C2CD2L: variants seen among roughly 807,000 people sequenced by gnomAD.
C2CD2L encodes C2CD2 like, also known as phospholipid transfer protein C2CD2L.
In C2CD2L, 24 loss-of-function variants were observed where a neutral mutation model predicts 69.9. The observed-to-expected ratio is 0.34, with a 90% CI of 0.25 to 0.48. C2CD2L has a LOEUF of 0.48. Among genes scored for constraint, C2CD2L ranks in the 20% least tolerant of loss-of-function variants. C2CD2L has a pLI of 0.99. For synonymous variants in C2CD2L, 367 were observed against 391.0 expected (o/e 0.94, Z 0.72); for missense variants, 811 against 941.5 (o/e 0.86, Z 1.81).
At chr11:119,104,880 C>T (rs1175612577), upstream of C2CD2L, among the ~76,000 whole-genome samples, 3 of 152,232 alleles carry the variant, frequency 2.0e-5, no homozygotes, top group African/African-American at 7.2e-5. Flanking sequence ...ATCTGTGGCT[C>T]TGTCCAGTCA....
At position 119,113,712 on chromosome 11, in the gene C2CD2L, C is replaced by T. The variant is rs140896620; in HGVS notation, c.1489C>T (p.Arg497Trp). The T allele has an allele frequency of 2.7e-4, 432 of 1,613,976 alleles. 5 individuals carry two copies. The East Asian group carries it at 8.6e-3, about 32-fold the overall frequency. The change falls in exon 11 of 14, where the codon CGG becomes TGG. Residue 497 changes from arginine to tryptophan, a missense_variant and splice_region_variant. Transcript: ENST00000648610. ...CAGCAATACCTCCCATAGCAGCAGC[C>T]GTGAGTGGGGAATGGGGTGCATGAG... ...GPSNTSHSSS[R>W]DSHLSNGLDP...
chr11:119,108,156 C>T, intron 1 of C2CD2L, 61 bp downstream of exon 1: 1 of 1,186,136 alleles, frequency 8.4e-7, no homozygotes, highest in South Asian at 1.4e-5. Context: ...GAGGGACTGA[C>T]TGCTCGTGCT....
chr11:119,102,618 C>A (rs1946528263), upstream of C2CD2L, among the ~76,000 whole-genome samples: 1 of 151,964 alleles, frequency 6.6e-6, no homozygotes, highest in Admixed American at 6.6e-5. Flanking sequence ...CTCGAGACTT[C>A]AGCTTGGCCG....
upstream of C2CD2L, among the ~76,000 whole-genome samples, chr11:119,103,867 C>G (rs750707265): frequency 9.2e-5 from 14 of 152,166 alleles, no homozygotes; most frequent in Non-Finnish European, 1.9e-4. Context: ...TATTATTTTT[C>G]TGTGTGTGTT....
chr11:119,108,563 A>T (rs914765921), intron 1 of C2CD2L, among the ~76,000 whole-genome samples: 3 of 152,200 alleles, frequency 2.0e-5, no homozygotes, highest in Non-Finnish European at 4.4e-5. Flanking sequence ...TCACTGCTAC[A>T]GTCAAACACA....
Position 119,110,299 on chromosome 11 carries a change from C to A in C2CD2L, c.450+100C>A. The stretch of plus-strand genomic sequence containing the variant: ...GTTCTTAACCTGGAGTCTGTGAATG[C>A]CTTATGGATCTAAGGATTGGTTTCA... On this transcript the variant is annotated intron_variant, in intron 2 of 13. Coordinates refer to ENST00000648610, the MANE Select transcript of C2CD2L (RefSeq NM_001290474.2). The surrounding 1 kb of genome is among the most constrained non-coding windows in gnomAD (Gnocchi z 5.7). The A allele has an allele frequency of 4.4e-6, 4 of 918,570 alleles. No individual in the cohort carries two copies. The highest frequency in any genetic ancestry group is 5.1e-6 in the Non-Finnish European group (3 of 584,166). The allele number at this position is 918,570 out of a possible 1,614,324, so 56.9% of individuals were successfully genotyped here. A position where few individuals can be genotyped will look rare whatever the true frequency, so the allele number is the denominator to read the frequency against.
In C2CD2L at chr11:119,107,695, C is replaced by G; in HGVS notation, c.-47C>G. 1.6e-6 allele frequency: 2 copies of G among 1,257,140 alleles called. No individual in the cohort carries two copies. Among genetic ancestry groups the G allele is most frequent in the Non-Finnish European group, 2.1e-6 (2 of 962,282 alleles). The allele number at this position is 1,257,140 out of a possible 1,614,324, so 77.9% of individuals were successfully genotyped here. A position where few individuals can be genotyped will look rare whatever the true frequency, so the allele number is the denominator to read the frequency against. On this transcript the variant is annotated 5_prime_UTR_variant, in exon 1 of 14. Transcript: ENST00000648610. This position sits in a 1 kb window ranked among gnomAD's most constrained non-coding sequence, Gnocchi z 5.4. The stretch of plus-strand genomic sequence containing the variant: ...CCGCCCGGGCCATGCTCCCCCGGGG[C>G]AGCGGGTGAGCCCCAGCCGGGACCG...
At chr11:119,108,901 T>C (rs761234982) in intron 1 of C2CD2L, among the ~76,000 whole-genome samples, 4 of 152,194 alleles carry the variant, frequency 2.6e-5, no homozygotes, top group Non-Finnish European at 5.9e-5. Context: ...TTCCAGCCAC[T>C]ATGAGTTTGG....
At position 119,116,223 on chromosome 11, in the gene C2CD2L, C is replaced by A; in HGVS notation, c.2088C>A (p.Pro696=). Residue 696 remains proline, a synonymous_variant, in exon 14 of 14, where the codon CCC becomes CCA. Coordinates refer to ENST00000648610, the MANE Select transcript of C2CD2L (RefSeq NM_001290474.2). ...AGCGCTTTTCCTTCAAATCCAAACC[C>A]AAGGCCAATGGTAACCCCAGCCCCC... is the stretch of plus-strand genomic sequence containing the variant. ...LIKRFSFKSK[P]KANGNPSPQL 6.2e-7 allele frequency: 1 copy of A among 1,614,252 alleles called. No homozygotes were observed.
At chr11:119,104,651 A>G (rs1172041006), upstream of C2CD2L, among the ~76,000 whole-genome samples, 1 of 152,240 alleles carries the variant, frequency 6.6e-6, no homozygotes, top group Non-Finnish European at 1.5e-5. Context: ...AGCCGGCCCT[A>G]GGATTCACAG....
At position 119,112,864 on chromosome 11, in the gene C2CD2L, C is replaced by T. The variant is rs367672186; in HGVS notation, c.1377C>T (p.Asp459=). The T allele has an allele frequency of 1.1e-4, 171 of 1,613,646 alleles. 1 individual carries two copies. Among genetic ancestry groups the T allele is most frequent in the South Asian group, 5.4e-4 (49 of 91,054 alleles). ...VTTVQSRPRI[D]GKLDSPSRSP... ...CTGTCCAGTCCCGGCCCCGTATAGA[C>T]GGCAAATTAGGTAAAGAGAAGGAGC... is the stretch of plus-strand genomic sequence containing the variant. The change falls in exon 10 of 14, where the codon GAC becomes GAT. Residue 459 remains aspartate (D), a synonymous_variant. Transcript: ENST00000648610.
chr11:119,112,689 C>A lies in C2CD2L; in HGVS notation c.1213-11C>A. ...GAGGCTCTGTCTCTTCTCTCTCCCA[C>A]CCCTGGGCAGCTTCACTATGAGGAG... On this transcript the variant is annotated splice_polypyrimidine_tract_variant and intron_variant, in intron 9 of 13. Transcript: ENST00000648610. 1 of 1,612,620 alleles carries A rather than the reference C, an allele frequency of 6.2e-7. No individual in the cohort carries two copies. Among genetic ancestry groups the A allele is most frequent in the Non-Finnish European group, 8.5e-7 (1 of 1,179,198 alleles).
At chr11:119,105,597 G>A (rs139998574), upstream of C2CD2L, among the ~76,000 whole-genome samples, 514 of 149,806 alleles carry the variant, frequency 3.4e-3, 3 homozygotes, top group African/African-American at 0.012. Flanking sequence ...CCAAGATCTC[G>A]CTACTGCACC....
In C2CD2L at chr11:119,116,950, G is replaced by C. The variant is rs1046471; in HGVS notation, c.*694G>C. The C allele has an allele frequency of 0.02, 3,020 of 153,028 alleles. 40 individuals are homozygous for C. Among genetic ancestry groups the C allele is most frequent in the Non-Finnish European group, 0.027 (1,873 of 68,230 alleles). The allele number at this position is 153,028 out of a possible 1,614,324, so 9.5% of individuals were successfully genotyped here. On this transcript the variant is annotated 3_prime_UTR_variant, in exon 14 of 14. Transcript: ENST00000648610. ...GGCTCTGTGGGAAGGAGGGAGCCGG[G>C]AGCCTGGTGGGAAGCCTTCCCCAGA...
At chr11:119,104,727 T>C (rs1274721428), upstream of C2CD2L, among the ~76,000 whole-genome samples, 1 of 152,230 alleles carries the variant, frequency 6.6e-6, no homozygotes, top group African/African-American at 2.4e-5. Flanking sequence ...CTCTTCTAAG[T>C]AGCCTTGAGT....
In C2CD2L at chr11:119,110,055, TG is replaced by T; in HGVS notation, c.355-43del. The T allele has an allele frequency of 1.5e-6, 2 of 1,374,340 alleles. No individual in the cohort carries two copies. The highest frequency in any genetic ancestry group is 2.1e-6 in the Non-Finnish European group (2 of 961,406). The allele number at this position is 1,374,340 out of a possible 1,614,324, so 85.1% of individuals were successfully genotyped here. ...CCAGCAACTGAGCAGGCCAACCCTG[TG>T]GGGGGCAGCTCCAGAGACCTGATCC... On this transcript the variant is annotated intron_variant, in intron 1 of 13. Transcript: ENST00000648610. This position sits in a 1 kb window ranked among gnomAD's most constrained non-coding sequence, Gnocchi z 5.7.
At position 119,114,157 on chromosome 11, in the gene C2CD2L, A is replaced by G; in HGVS notation, c.1701A>G (p.Ala567=). 1 of 1,614,144 alleles carries G rather than the reference A, an allele frequency of 6.2e-7. No homozygotes were observed. The highest frequency in any genetic ancestry group is 8.5e-7 in the Non-Finnish European group (1 of 1,180,016). ...ASLEASVQDD[A]GTSGGPSSPP... ...TGGAAGCCTCAGTGCAGGATGATGC[A>G]GGGACCAGCGGAGGCCCCTCTTCAC... The change falls in exon 13 of 14, where the codon GCA becomes GCG. Residue 567 remains alanine, a synonymous_variant. Coordinates refer to ENST00000648610, the MANE Select transcript of C2CD2L (RefSeq NM_001290474.2). The surrounding 1 kb of genome is among the most constrained non-coding windows in gnomAD (Gnocchi z 5.1).
chr11:119,105,811 A>T (rs79231728), upstream of C2CD2L, among the ~76,000 whole-genome samples: 2 of 152,292 alleles, frequency 1.3e-5, no homozygotes, highest in African/African-American at 4.8e-5. Flanking sequence ...AATGGAGATC[A>T]CTAGGGGGTC....
chr11:119,102,540 T>G (rs1186680062), upstream of C2CD2L, among the ~76,000 whole-genome samples: 10 of 152,180 alleles, frequency 6.6e-5, no homozygotes, highest in Non-Finnish European at 1.3e-4. Context: ...CTGTAGCAGT[T>G]AGTTGCCCGG....
Sources: allele counts gnomAD v4.1 joint callset (sites outside exome capture counted in the v4.1 genomes callset), GRCh38; gene constraint gnomAD v4.1.1; non-coding constraint Gnocchi (gnomAD v3.1); transcripts MANE v1.5; gene names NCBI Gene and HGNC (gene_info 2026-07-23, HGNC 2026-07-21).